The following CHSY3 variants were observed in gnomAD, a reference collection of about 807,000 sequenced individuals.
CHSY3 encodes N-acetylgalactosaminyl-proteoglycan 3-beta-glucuronosyltransferase 3.
Under a neutral mutation model 67.2 loss-of-function variants are expected in CHSY3, and 35 were observed. The observed-to-expected ratio is 0.52, with a 90% CI of 0.40 to 0.69. The LOEUF is 0.69. Among genes scored for constraint, CHSY3 ranks in the 30% least tolerant of loss-of-function variants. The pLI is 0.00. For synonymous variants in CHSY3, 474 were observed against 434.7 expected, an observed-to-expected ratio of 1.09 and a Z score of -1.12; for missense variants, 1,069 against 1,138.5, an observed-to-expected ratio of 0.94 and a Z score of 0.88.
At position 130,114,881 on chromosome 5, in the gene CHSY3, G is replaced by T. The variant is rs1490182631; in HGVS notation, c.1087-69348G>T. 2.6e-5 allele frequency among the ~76,000 whole-genome samples: 4 copies of T among 152,136 alleles called. No homozygotes were observed. In the East Asian group the frequency reaches 7.8e-4, roughly 29 times the overall value. On this transcript the variant is annotated intron_variant, in intron 2 of 2. Transcript: ENST00000305031. Reference sequence around the variant, plus strand: ...TTCTGTTCCTATCTGTTGCCTACAGGACCATCTGTCCTTAGCTGACTCCTG... The same window carrying T: ...TTCTGTTCCTATCTGTTGCCTACAGTACCATCTGTCCTTAGCTGACTCCTG...
At chr5:130,125,316 C>T (rs375710011) in intron 2 of CHSY3, among the ~76,000 whole-genome samples, 13 of 152,140 alleles carry the variant, frequency 8.5e-5, no homozygotes, top group African/African-American at 2.9e-4. Context: ...ACTCAGGAGA[C>T]TGAGGTGGGA....
At chr5:130,117,637 A>G (rs1767857618) in intron 2 of CHSY3, among the ~76,000 whole-genome samples, 1 of 152,200 alleles carries the variant, frequency 6.6e-6, no homozygotes, top group South Asian at 2.1e-4. Context: ...CAGTGTGACT[A>G]CAAAAGTTTG....
At chr5:129,953,897 A>G (rs1272399190) in intron 2 of CHSY3, among the ~76,000 whole-genome samples, 1 of 152,146 alleles carries the variant, frequency 6.6e-6, no homozygotes, top group African/African-American at 2.4e-5. Context: ...TCAGATGAAT[A>G]GATTGCAAAA....
chr5:130,002,299 A>C (rs931643246), intron 2 of CHSY3: 2 of 152,562 alleles, frequency 1.3e-5, no homozygotes, highest in African/African-American at 4.8e-5. Context: ...CATCCTGTAG[A>C]AGACCATGTC....
chr5:130,174,950 T>A (rs1186141933), intron 2 of CHSY3, among the ~76,000 whole-genome samples: 2 of 152,094 alleles, frequency 1.3e-5, no homozygotes, highest in East Asian at 3.9e-4. Context: ...GAGACATACA[T>A]GGAAAAGAGA....
chr5:130,112,530 C>T (rs1329107592), intron 2 of CHSY3, among the ~76,000 whole-genome samples: 1 of 152,104 alleles, frequency 6.6e-6, no homozygotes, highest in Non-Finnish European at 1.5e-5. Context: ...CACCACCTCT[C>T]TAAATTAGCC....
intron 2 of CHSY3, among the ~76,000 whole-genome samples, chr5:130,081,285 G>A (rs1004116705): frequency 2.6e-5 from 4 of 151,420 alleles, no homozygotes; most frequent in Non-Finnish European, 5.9e-5. Context: ...GCTTTGGGTG[G>A]GACAGAGGAT....
chr5:130,121,199 C>T (rs569289376), intron 2 of CHSY3, among the ~76,000 whole-genome samples: 2 of 152,200 alleles, frequency 1.3e-5, no homozygotes, highest in East Asian at 1.9e-4. Flanking sequence ...TTCTGGGTAC[C>T]GATGCTGCTG....
chr5:129,945,061 G>T (rs540857832), intron 2 of CHSY3, among the ~76,000 whole-genome samples: 1 of 152,230 alleles, frequency 6.6e-6, no homozygotes, highest in East Asian at 1.9e-4. Flanking sequence ...ATTTATCTAT[G>T]CAAATTAACT....
At chr5:129,931,527 T>TAATA (rs1423875523) in intron 2 of CHSY3, among the ~76,000 whole-genome samples, 4 of 152,184 alleles carry the variant, frequency 2.6e-5, no homozygotes, top group Non-Finnish European at 5.9e-5. Flanking sequence ...TTGTGGCAGT[T>TAATA]AATAATGTAT....
At chr5:130,089,363 A>G (rs1361905222) in intron 2 of CHSY3, among the ~76,000 whole-genome samples, 1 of 151,998 alleles carries the variant, frequency 6.6e-6, no homozygotes, top group Admixed American at 6.6e-5. Flanking sequence ...CCTGAAACTT[A>G]AAGTATAATA....
intron 1 of CHSY3, among the ~76,000 whole-genome samples, chr5:129,906,933 G>C (rs1760327005): frequency 6.6e-6 from 1 of 152,098 alleles, no homozygotes; most frequent in Non-Finnish European, 1.5e-5. Context: ...TCTTGGCTTT[G>C]GATTGGAAGG....
intron 2 of CHSY3, among the ~76,000 whole-genome samples, chr5:129,943,970 T>C (rs1188300043): frequency 6.6e-6 from 1 of 152,230 alleles, no homozygotes; most frequent in Non-Finnish European, 1.5e-5. Context: ...ATGGATGCCC[T>C]TCTACTATTC....
At chr5:130,133,771 T>TA (rs758023976) in intron 2 of CHSY3, among the ~76,000 whole-genome samples, 617 of 57,856 alleles carry the variant, frequency 0.011, 22 homozygotes, top group African/African-American at 0.015. Flanking sequence ...GACTCCGTCT[T>TA]AAAAAAAAAA....
At chr5:130,020,442 TATATATATATATATA>T (rs1317821754) in intron 2 of CHSY3, among the ~76,000 whole-genome samples, 19,486 of 54,440 alleles carry the variant, frequency 0.36, 2,582 homozygotes, top group Non-Finnish European at 0.41. Flanking sequence ...TATATATATA[TATATATATATATATA>T]TATATTTTTT....
chr5:130,102,862 C>T (rs1767292567), intron 2 of CHSY3, among the ~76,000 whole-genome samples: 1 of 151,964 alleles, frequency 6.6e-6, no homozygotes, highest in Admixed American at 6.6e-5. Context: ...TTCTCTCCTA[C>T]ACATTTTTTC....
chr5:130,148,831 C>T (rs916455527), intron 2 of CHSY3, among the ~76,000 whole-genome samples: 2 of 152,002 alleles, frequency 1.3e-5, no homozygotes, highest in Non-Finnish European at 2.9e-5. Flanking sequence ...GAAATTATCT[C>T]CTATTCTGTG....
chr5:129,981,395 A>G (rs1580610035), intron 2 of CHSY3, among the ~76,000 whole-genome samples: 1 of 152,120 alleles, frequency 6.6e-6, no homozygotes, highest in East Asian at 1.9e-4. Flanking sequence ...CCTTGCTATA[A>G]TCATTTATTA....
At chr5:129,959,026 CA>C (rs1362971592) in intron 2 of CHSY3, among the ~76,000 whole-genome samples, 1 of 152,074 alleles carries the variant, frequency 6.6e-6, no homozygotes, top group African/African-American at 2.4e-5. Flanking sequence ...ACTATTCATT[CA>C]AATTTCAGCT....
Sources: gnomAD v4.1 joint callset for allele counts (sites outside exome capture counted in the v4.1 genomes callset) on GRCh38, gnomAD v4.1.1 for gene constraint, MANE v1.5 for transcripts, NCBI Gene and HGNC (gene_info 2026-07-23, HGNC 2026-07-21) for gene names.